GULP1: variants seen among roughly 807,000 people sequenced by gnomAD.
GULP1 encodes the protein GULP PTB domain containing engulfment adaptor 1, also known as PTB domain-containing engulfment adapter protein 1.
Under a neutral mutation model 40.9 loss-of-function variants are expected in GULP1, and 19 were observed. The observed-to-expected ratio is 0.46, with a 90% CI of 0.32 to 0.68. The LOEUF is 0.68. GULP1 is among the 30% of genes least tolerant of loss of function. GULP1 has a pLI of 0.03. For missense variants in GULP1, 312 were observed against 362.2 expected, an observed-to-expected ratio of 0.86 and a Z score of 1.12; for synonymous variants, 119 against 117.6, an observed-to-expected ratio of 1.01 and a Z score of -0.08.
At chr2:188,541,531 C>T in intron 7 of GULP1, 1 of 602,398 alleles carries the variant, frequency 1.7e-6, no homozygotes, top group South Asian at 2.1e-5. Flanking sequence ...TGGTCATGAG[C>T]ATAAACTTAC....
intron 2 of GULP1, among the ~76,000 whole-genome samples, chr2:188,428,364 A>G (rs755157158): frequency 4.6e-5 from 7 of 152,156 alleles, no homozygotes; most frequent in Non-Finnish European, 8.8e-5. Context: ...TGAGAAGAAG[A>G]TGAGATTTGG....
At chr2:188,476,600 C>A (rs974752769) in intron 2 of GULP1, among the ~76,000 whole-genome samples, 7 of 151,998 alleles carry the variant, frequency 4.6e-5, no homozygotes, top group Admixed American at 3.9e-4. Flanking sequence ...TAAAAAATAG[C>A]AAAATATTTT....
intron 6 of GULP1, among the ~76,000 whole-genome samples, chr2:188,534,012 T>C (rs1329807066): frequency 6.6e-6 from 1 of 152,298 alleles, no homozygotes; most frequent in South Asian, 2.1e-4. Flanking sequence ...GAAAAGAGAA[T>C]GCTTATACAC....
At chr2:188,331,294 G>T (rs2152050329) in intron 1 of GULP1, among the ~76,000 whole-genome samples, 1 of 152,250 alleles carries the variant, frequency 6.6e-6, no homozygotes, top group East Asian at 1.9e-4. Context: ...AAATCTATTT[G>T]CAGGGTGCCA....
chr2:188,518,184 A>G (rs998653796), intron 4 of GULP1, among the ~76,000 whole-genome samples: 6 of 152,162 alleles, frequency 3.9e-5, no homozygotes, highest in Non-Finnish European at 8.8e-5. Context: ...TCTCCCAGAA[A>G]TAAATCCCAA....
intron 4 of GULP1, among the ~76,000 whole-genome samples, chr2:188,497,860 C>A (rs1330518384): frequency 6.6e-6 from 1 of 151,968 alleles, no homozygotes; most frequent in Non-Finnish European, 1.5e-5. Flanking sequence ...TGCTTCAAGG[C>A]ACAGCTCTCT....
intron 2 of GULP1, among the ~76,000 whole-genome samples, chr2:188,439,035 A>G (rs2057692221): frequency 6.6e-6 from 1 of 152,088 alleles, no homozygotes; most frequent in South Asian, 2.1e-4. Context: ...TTAATTTATC[A>G]TTTTAAATTG....
At chr2:188,460,960 C>G (rs957044931) in intron 2 of GULP1, among the ~76,000 whole-genome samples, 1 of 152,064 alleles carries the variant, frequency 6.6e-6, no homozygotes, top group African/African-American at 2.4e-5. Flanking sequence ...TATGTTAAAC[C>G]ATTATTGCAT....
intron 9 of GULP1, among the ~76,000 whole-genome samples, chr2:188,576,677 A>G (rs904389941): frequency 6.6e-6 from 1 of 152,096 alleles, no homozygotes; most frequent in South Asian, 2.1e-4. Context: ...TTGTACCTAT[A>G]TTACATACCT....
At chr2:188,452,945 AAC>A (rs1193677719) in intron 2 of GULP1, among the ~76,000 whole-genome samples, 1 of 152,158 alleles carries the variant, frequency 6.6e-6, no homozygotes, top group Non-Finnish European at 1.5e-5. Context: ...TTGTATGTAA[AAC>A]AGTCAACTTA....
intron 2 of GULP1, among the ~76,000 whole-genome samples, chr2:188,465,109 T>C (rs1381227213): frequency 6.6e-6 from 1 of 151,732 alleles, no homozygotes. Context: ...CAGCTGGAAA[T>C]GTGCTGAGTC....
intron 2 of GULP1, among the ~76,000 whole-genome samples, chr2:188,454,152 A>G (rs1452496088): frequency 6.6e-6 from 1 of 152,180 alleles, no homozygotes; most frequent in Non-Finnish European, 1.5e-5. Context: ...CTCTTGTCCT[A>G]TGTCCAAGAA....
At chr2:188,460,854 G>C (rs542984890) in intron 2 of GULP1, among the ~76,000 whole-genome samples, 1 of 152,144 alleles carries the variant, frequency 6.6e-6, no homozygotes, top group South Asian at 2.1e-4. Context: ...GGTCTTTATC[G>C]TGAGGGGATG....
intron 1 of GULP1, among the ~76,000 whole-genome samples, chr2:188,317,192 T>C (rs72907632): frequency 0.011 from 1,741 of 152,240 alleles, 14 homozygotes; most frequent in Non-Finnish European, 0.02. Flanking sequence ...TTTCATCCCA[T>C]AGGAAGGAAT....
chr2:188,501,042 T>C (rs548791668), intron 4 of GULP1, among the ~76,000 whole-genome samples: 17 of 152,076 alleles, frequency 1.1e-4, no homozygotes, highest in African/African-American at 4.1e-4. Flanking sequence ...ATAATGACCC[T>C]ATATGTACTT....
intron 6 of GULP1, among the ~76,000 whole-genome samples, chr2:188,530,529 A>AT (rs1282332101): frequency 3.3e-5 from 5 of 152,194 alleles, no homozygotes; most frequent in African/African-American, 1.2e-4. Flanking sequence ...GTTAAATGAG[A>AT]TTTTAAGGGT....
intron 6 of GULP1, among the ~76,000 whole-genome samples, chr2:188,534,910 C>T (rs572829826): frequency 6.6e-6 from 1 of 152,028 alleles, no homozygotes; most frequent in East Asian, 1.9e-4. Context: ...AGCCAGTTGA[C>T]TTCATTATCC....
rs1703085721 is a variant in GULP1, at chr2:188,589,526, T to A, written c.843+1577T>A. 4 of 357,438 alleles carry A rather than the reference T, an allele frequency of 1.1e-5. No homozygotes were observed. The East Asian group carries it at 1.7e-4, about 15-fold the overall frequency. 22.1% of individuals were successfully genotyped at this position (357,438 alleles called of 1,614,324 possible). A position where few individuals can be genotyped will look rare whatever the true frequency, so the allele number is the denominator to read the frequency against. Reference sequence around the variant, plus strand: ...TCATACAGAGTACTTCTCTAAAAATTTTTTAGATTTTCCCAAAATTGGAAA... The same window carrying A: ...TCATACAGAGTACTTCTCTAAAAATATTTTAGATTTTCCCAAAATTGGAAA... On this transcript the variant is annotated intron_variant, in intron 11 of 11. Transcript: ENST00000409830.
Position 188,541,197 on chromosome 2 carries a change from G to A in GULP1, c.278G>A (p.Cys93Tyr). 6.2e-7 allele frequency: 1 copy of A among 1,612,802 alleles called. No homozygotes were observed. The highest frequency in any genetic ancestry group is 8.5e-7 in the Non-Finnish European group (1 of 1,179,020). The part of the protein sequence containing the change: ...EPKTKEVQHN[C>Y]QLHRISFCAD... ...TGTTCACAGGAAGTTCAACACAATT[G>A]CCAGCTTCATAGAATATCTTTTTGT... is the stretch of plus-strand genomic sequence containing the variant. Residue 93 changes from cysteine (C) to tyrosine (Y), a missense_variant, in exon 7 of 12, where the codon TGC becomes TAC. By Grantham distance (194) the Cys-to-Tyr change is radical. Coordinates refer to ENST00000409830, the MANE Select transcript of GULP1 (RefSeq NM_016315.4).
Sources: allele counts gnomAD v4.1 joint callset (sites outside exome capture counted in the v4.1 genomes callset), GRCh38; gene constraint gnomAD v4.1.1; transcripts MANE v1.5; gene names NCBI Gene and HGNC (gene_info 2026-07-23, HGNC 2026-07-21).